SLC45A4: variants seen among roughly 807,000 people sequenced by gnomAD.
SLC45A4 encodes the protein polyamine-transporter SLC45A4.
Under a neutral mutation model 63.7 loss-of-function variants are expected in SLC45A4, and 32 were observed. The observed-to-expected ratio is 0.50, with a 90% CI of 0.38 to 0.67. SLC45A4 has a LOEUF of 0.67. Among genes scored for constraint, SLC45A4 ranks in the 30% least tolerant of loss-of-function variants. The probability of loss-of-function intolerance (pLI) is 0.00; values close to 1 mark genes in which losing one functional copy is unlikely to be tolerated. For missense variants in SLC45A4, 1,027 were observed against 1,157.7 expected, an observed-to-expected ratio of 0.89 and a Z score of 1.64; for synonymous variants, 535 against 510.0, an observed-to-expected ratio of 1.05 and a Z score of -0.66.
In SLC45A4 at chr8:141,256,068, G is replaced by A. The variant is rs1329840874; in HGVS notation, c.-400-1439C>T. On this transcript the variant is annotated intron_variant, in intron 1 of 8. Coordinates refer to ENST00000517878, the MANE Select transcript of SLC45A4 (RefSeq NM_001286646.2). The surrounding 1 kb of genome is among the most constrained non-coding windows in gnomAD (Gnocchi z 4.3). ...CACCCTGCCTCCAGTGACAAACCCA[G>A]CTTGGTGACAAATTCCCCACCTGGG... Among the ~76,000 whole-genome samples, 2 of 152,098 alleles carry A rather than the reference G, an allele frequency of 1.3e-5. No individual in the cohort carries two copies. Among genetic ancestry groups the A allele is most frequent in the African/African-American group, 4.8e-5 (2 of 41,420 alleles).
Position 141,212,257 on chromosome 8 carries a change from G to A in SLC45A4, c.2241C>T (p.Pro747=). Residue 747 remains proline (P), a synonymous_variant, in exon 8 of 9, where the codon CCC becomes CCT. Coordinates refer to ENST00000517878, the MANE Select transcript of SLC45A4 (RefSeq NM_001286646.2). ...CCTTCCGCGTGAGCTTCAGCACGGT[G>A]GGCTTTTCGCTGTTCCCACCGGCCC... ...EGRAGGNSEK[P]TVLKLTRKEG... 1.3e-6 allele frequency: 2 copies of A among 1,587,014 alleles called. No homozygotes were observed. Among genetic ancestry groups the A allele is most frequent in the Non-Finnish European group, 1.7e-6 (2 of 1,165,116 alleles).
intron 1 of SLC45A4, among the ~76,000 whole-genome samples, chr8:141,266,312 C>A (rs535065307): frequency 2.0e-5 from 3 of 152,310 alleles, no homozygotes; most frequent in African/African-American, 7.2e-5. Flanking sequence ...GCGGCACATG[C>A]TGATGAGGGC....
intron 1 of SLC45A4, among the ~76,000 whole-genome samples, chr8:141,303,383 TC>T (rs1179632485): frequency 6.9e-6 from 1 of 144,830 alleles, no homozygotes; most frequent in Non-Finnish European, 1.5e-5. Flanking sequence ...CAAGCGATCC[TC>T]CTGCCTCAGC....
intron 2 of SLC45A4, among the ~76,000 whole-genome samples, chr8:141,243,636 G>T (rs1375068145): frequency 6.6e-6 from 1 of 152,048 alleles, no homozygotes; most frequent in East Asian, 1.9e-4. Flanking sequence ...CAGAGACCCT[G>T]TCTCAAAAAT....
intron 1 of SLC45A4, among the ~76,000 whole-genome samples, chr8:141,286,008 G>A (rs1159565087): frequency 2.6e-5 from 4 of 152,186 alleles, no homozygotes; most frequent in Non-Finnish European, 4.4e-5. Context: ...AGACGTGAGC[G>A]GCACCTCGTG....
At chr8:141,283,726 A>G (rs1287872735) in intron 1 of SLC45A4, among the ~76,000 whole-genome samples, 1 of 152,218 alleles carries the variant, frequency 6.6e-6, no homozygotes, top group African/African-American at 2.4e-5. Context: ...GCCCAGCCAC[A>G]CTTCCACGTG....
At chr8:141,298,932 C>T (rs748922270) in intron 1 of SLC45A4, among the ~76,000 whole-genome samples, 4 of 152,178 alleles carry the variant, frequency 2.6e-5, no homozygotes, top group Non-Finnish European at 4.4e-5. Flanking sequence ...ATGAGCAGTG[C>T]GACCCAGTGG....
chr8:141,216,782 G>A (rs1201127920), intron 6 of SLC45A4, among the ~76,000 whole-genome samples: 2 of 152,292 alleles, frequency 1.3e-5, no homozygotes, highest in South Asian at 2.1e-4. Flanking sequence ...TCTGTGCTGG[G>A]GCCAGGGACA....
Position 141,218,810 on chromosome 8 carries a change from G to C in SLC45A4, c.830C>G (p.Pro277Arg). ...GTCTGGGAAGGCAGGGACGCCGTGCGGCTCGCCCCCATCCAGGGCGCCGGG... is the reference window on the plus strand; with the variant it reads ...GTCTGGGAAGGCAGGGACGCCGTGCCGCTCGCCCCCATCCAGGGCGCCGGG... ...EEPGALDGGE[P>R]HGVPAFPDEV... The change falls in exon 5 of 9, where the codon CCG (proline) becomes CGG (arginine). Residue 277 changes from proline to arginine, a missense_variant. Coordinates refer to ENST00000517878, the MANE Select transcript of SLC45A4 (RefSeq NM_001286646.2). The C allele has an allele frequency of 6.2e-7, 1 of 1,612,904 alleles. No individual in the cohort carries two copies. The highest frequency in any genetic ancestry group is 1.1e-5 in the South Asian group (1 of 91,046).
Position 141,243,314 on chromosome 8 carries a change from G to A in SLC45A4, c.241+10675C>T, listed in dbSNP as rs112289258. 7.0e-3 allele frequency among the ~76,000 whole-genome samples: 1,062 copies of A among 152,252 alleles called. 15 individuals are homozygous for A. The highest frequency in any genetic ancestry group is 0.025 in the African/African-American group (1,020 of 41,532). ...AGAGCAGCTCCGCCAGGTGCCCCCCGCCGCAGCAAGCACGAAGCGCAGTGG... is the reference window on the plus strand; with the variant it reads ...AGAGCAGCTCCGCCAGGTGCCCCCCACCGCAGCAAGCACGAAGCGCAGTGG... On this transcript the variant is annotated intron_variant, in intron 2 of 8. Transcript: ENST00000517878.
intron 1 of SLC45A4, among the ~76,000 whole-genome samples, chr8:141,261,710 A>G (rs1829043308): frequency 6.6e-6 from 1 of 151,824 alleles, no homozygotes; most frequent in African/African-American, 2.4e-5. Flanking sequence ...ACCACTGCTC[A>G]ATGAAATAAA....
At chr8:141,280,877 G>C (rs1432526479) in intron 1 of SLC45A4, among the ~76,000 whole-genome samples, 1 of 152,212 alleles carries the variant, frequency 6.6e-6, no homozygotes, top group Non-Finnish European at 1.5e-5. Flanking sequence ...GCTTCTCCCA[G>C]GGGAGGGAAA....
rs752451823 is a variant in SLC45A4, at chr8:141,254,775, C to G, written c.-400-146G>C. On this transcript the variant is annotated intron_variant, in intron 1 of 8. Transcript: ENST00000517878. The surrounding 1 kb of genome is among the most constrained non-coding windows in gnomAD (Gnocchi z 4.5). ...AGCTCTCTGCCACTCACTCTGGGTACGTCTGTGCAAATAACCAAACCTACT... is the reference window on the plus strand; with the variant it reads ...AGCTCTCTGCCACTCACTCTGGGTAGGTCTGTGCAAATAACCAAACCTACT... 1.5e-6 allele frequency: 1 copy of G among 647,276 alleles called. No homozygotes were observed. Among genetic ancestry groups the G allele is most frequent in the Non-Finnish European group, 2.9e-6 (1 of 350,472 alleles). The allele number at this position is 647,276 out of a possible 1,614,324, so 40.1% of individuals were successfully genotyped here. A position where few individuals can be genotyped will look rare whatever the true frequency, so the allele number is the denominator to read the frequency against.
Position 141,254,617 on chromosome 8 carries a change from G to C in SLC45A4, c.-388C>G. 1.4e-6 allele frequency: 1 copy of C among 700,516 alleles called. No individual in the cohort carries two copies. The highest frequency in any genetic ancestry group is 2.6e-6 in the Non-Finnish European group (1 of 383,806). The allele number at this position is 700,516 out of a possible 1,614,324, so 43.4% of individuals were successfully genotyped here. The stretch of plus-strand genomic sequence containing the variant: ...GTGGTCCGCTGGTAATCCCCATCGA[G>C]TGACTGGATGATCTGCAAAAGAGGA... On this transcript the variant is annotated 5_prime_UTR_variant, in exon 2 of 9. Transcript: ENST00000517878. This position sits in a 1 kb window ranked among gnomAD's most constrained non-coding sequence, Gnocchi z 4.5.
chr8:141,221,156 A>C (rs1224450931), intron 3 of SLC45A4, among the ~76,000 whole-genome samples: 1 of 152,278 alleles, frequency 6.6e-6, no homozygotes, highest in Non-Finnish European at 1.5e-5. Flanking sequence ...CAAGGCAAAA[A>C]CTATTTTCCC....
At chr8:141,211,758 G>A (rs1187933845) in intron 8 of SLC45A4, 61 bp from the exon 9 acceptor site, 3 of 1,461,244 alleles carry the variant, frequency 2.1e-6, no homozygotes, top group African/African-American at 2.9e-5. Context: ...ATTATCTGAA[G>A]CATTCAGATA....
Position 141,222,905 on chromosome 8 carries a change from G to A in SLC45A4, c.242-1140C>T, listed in dbSNP as rs576353537. Among the ~76,000 whole-genome samples, 16 of 152,314 alleles carry A rather than the reference G, an allele frequency of 1.1e-4. 1 individual carries two copies. The highest frequency in any genetic ancestry group is 9.1e-4 in the Admixed American group (14 of 15,308). ...GATGGGAGTCCCACGCTCCAGTCAC[G>A]CGGTGCCAATTCATCCCACAGGGGA... On this transcript the variant is annotated intron_variant, in intron 2 of 8. Transcript: ENST00000517878.
intron 1 of SLC45A4, among the ~76,000 whole-genome samples, chr8:141,298,661 A>G (rs1410088882): frequency 6.6e-6 from 1 of 152,192 alleles, no homozygotes; most frequent in Non-Finnish European, 1.5e-5. Context: ...GGGCAGTGCC[A>G]GCTGGGCACA....
At chr8:141,286,799 C>T (rs1830165311) in intron 1 of SLC45A4, among the ~76,000 whole-genome samples, 2 of 150,852 alleles carry the variant, frequency 1.3e-5, no homozygotes, top group Admixed American at 1.3e-4. Context: ...CCATCTTCCC[C>T]CAGTTAAGTT....
Sources: gnomAD v4.1 joint callset for allele counts (sites outside exome capture counted in the v4.1 genomes callset) on GRCh38, gnomAD v4.1.1 for gene constraint, Gnocchi (gnomAD v3.1) non-coding constraint, MANE v1.5 for transcripts, NCBI Gene and HGNC (gene_info 2026-07-23, HGNC 2026-07-21) for gene names.